The following CKAP2L variants were observed in gnomAD, a reference collection of about 807,000 sequenced individuals.
The protein encoded by CKAP2L is cytoskeleton-associated protein 2-like.
A neutral mutation model predicts 65.7 loss-of-function variants in CKAP2L; 42 were observed. The ratio of observed to expected loss-of-function variants is 0.64; its 90% CI spans 0.50 to 0.83. The LOEUF is 0.83. Among genes scored for constraint, CKAP2L ranks in the 40% least tolerant of loss-of-function variants. CKAP2L has a pLI of 0.00. For missense variants in CKAP2L, 908 were observed against 871.0 expected, an observed-to-expected ratio of 1.04 and a Z score of -0.53; for synonymous variants, 325 against 313.5, an observed-to-expected ratio of 1.04 and a Z score of -0.39.
intron 2 of CKAP2L, among the ~76,000 whole-genome samples, chr2:112,762,262 C>T (rs1404733100): frequency 6.6e-6 from 1 of 152,140 alleles, no homozygotes; most frequent in Non-Finnish European, 1.5e-5. Flanking sequence ...TAATACTGAC[C>T]CTTCTTCCCT....
At chr2:112,746,850 C>T (rs574985511) in intron 5 of CKAP2L, among the ~76,000 whole-genome samples, 10 of 151,928 alleles carry the variant, frequency 6.6e-5, no homozygotes, top group South Asian at 2.1e-4. Flanking sequence ...TGCAATGGCG[C>T]GATCTCGGTT....
chr2:112,741,988 C>T (rs1228765860), intron 7 of CKAP2L, among the ~76,000 whole-genome samples: 52 of 143,234 alleles, frequency 3.6e-4, no homozygotes, highest in Non-Finnish European at 6.5e-4. Context: ...CAGGGTTTCA[C>T]CACGTTGGTC....
intron 3 of CKAP2L, among the ~76,000 whole-genome samples, chr2:112,757,539 TCA>T (rs1395967426): frequency 6.6e-6 from 1 of 151,916 alleles, no homozygotes; most frequent in East Asian, 1.9e-4. Context: ...CAGGCGCATG[TCA>T]CTACACCTGG....
Position 112,756,289 on chromosome 2 carries a change from C to T in CKAP2L, c.1082G>A (p.Cys361Tyr), listed in dbSNP as rs752783476. The T allele has an allele frequency of 1.9e-6, 3 of 1,614,078 alleles. No homozygotes were observed. In the South Asian group the frequency reaches 3.3e-5, roughly 18 times the overall value. The change falls in exon 4 of 9, where the codon TGT becomes TAT. Residue 361 changes from cysteine (C) to tyrosine (Y), a missense_variant. By Grantham distance (194) the Cys-to-Tyr change is radical (BLOSUM62 -2). Coordinates refer to ENST00000302450, the MANE Select transcript of CKAP2L (RefSeq NM_152515.5). ...CAGTACACATGATGTCTGAGGTATA[C>T]AAACTTGGCTGGACTTCTGATCTTG... The part of the protein sequence containing the change: ...IKQDQKSSQV[C>Y]IPQTSCVLQK...
At chr2:112,743,634 C>A (rs190620543) in intron 6 of CKAP2L, among the ~76,000 whole-genome samples, 1 of 151,812 alleles carries the variant, frequency 6.6e-6, no homozygotes, top group Non-Finnish European at 1.5e-5. Flanking sequence ...GACGGGGTTT[C>A]GCTACGTTGG....
Position 112,757,081 on chromosome 2 carries a change from T to C in CKAP2L, c.290A>G (p.Lys97Arg), listed in dbSNP as rs777580578. 4 of 1,614,136 alleles carry C rather than the reference T, an allele frequency of 2.5e-6. No individual in the cohort carries two copies. The highest frequency in any genetic ancestry group is 3.4e-6 in the Non-Finnish European group (4 of 1,180,020). ...GSQKPKLEPP[K>R]LLGKRLTSEC... is the part of the protein sequence containing the mutation. Reference sequence around the variant, plus strand: ...TGAAGTCAGCCTTTTGCCCAGAAGTTTTGGTGGCTCCAACTTCGGCTTCTG... The same window carrying C: ...TGAAGTCAGCCTTTTGCCCAGAAGTCTTGGTGGCTCCAACTTCGGCTTCTG... The change falls in exon 4 of 9, where the codon AAA becomes AGA. Residue 97 changes from lysine to arginine, a missense_variant. Coordinates refer to ENST00000302450, the MANE Select transcript of CKAP2L (RefSeq NM_152515.5).
intron 5 of CKAP2L, among the ~76,000 whole-genome samples, chr2:112,749,850 G>T (rs1680312577): frequency 6.6e-6 from 1 of 152,134 alleles, no homozygotes; most frequent in African/African-American, 2.4e-5. Context: ...GCCAGCAGGG[G>T]GCACGAGAGG....
Position 112,757,395 on chromosome 2 carries a change from T to G in CKAP2L, c.157-181A>C, listed in dbSNP as rs1221899543. 2.0e-5 allele frequency among the ~76,000 whole-genome samples: 3 copies of G among 147,214 alleles called. No homozygotes were observed. In the East Asian group the frequency reaches 5.9e-4, roughly 29 times the overall value. On this transcript the variant is annotated intron_variant, in intron 3 of 8. Transcript: ENST00000302450. ...ATAGGTAGTTTTTGTGTTTTTTTTTTTTTTTTTTTTTTGAGACAGGATCTT... is the reference window on the plus strand; with the variant it reads ...ATAGGTAGTTTTTGTGTTTTTTTTTGTTTTTTTTTTTTGAGACAGGATCTT...
chr2:112,748,528 A>G (rs1680271087), intron 5 of CKAP2L, among the ~76,000 whole-genome samples: 1 of 152,238 alleles, frequency 6.6e-6, no homozygotes, highest in Non-Finnish European at 1.5e-5. Context: ...GTCACTAGTG[A>G]GTAAACTTTA....
At position 112,738,675 on chromosome 2, in the gene CKAP2L, TGA is replaced by T. The variant is rs1679570020; in HGVS notation, c.*146_*147del. 3.2e-6 allele frequency: 2 copies of T among 620,816 alleles called. No homozygotes were observed. Among genetic ancestry groups the T allele is most frequent in the Non-Finnish European group, 5.7e-6 (2 of 351,870 alleles). 38.5% of individuals were successfully genotyped at this position (620,816 alleles called of 1,614,324 possible). On this transcript the variant is annotated 3_prime_UTR_variant, in exon 9 of 9. Transcript: ENST00000302450. ...GATTTTCCCATGGGGAGAGAAAATT[TGA>T]GAGTAAGCCCAGTGAATTACTTAAG...
rs754990375 is a variant in CKAP2L, at chr2:112,756,283, G to A, written c.1088C>T (p.Pro363Leu). The A allele has an allele frequency of 6.2e-7, 1 of 1,614,094 alleles. No homozygotes were observed. The highest frequency in any genetic ancestry group is 1.7e-5 in the Admixed American group (1 of 60,020). Residue 363 changes from proline (P) to leucine (L), a missense_variant, in exon 4 of 9, where the codon CCT becomes CTT. Pro to Leu is a moderately conservative substitution (Grantham distance 98). Coordinates refer to ENST00000302450, the MANE Select transcript of CKAP2L (RefSeq NM_152515.5). ...CTTTTGCAGTACACATGATGTCTGA[G>A]GTATACAAACTTGGCTGGACTTCTG... ...QDQKSSQVCI[P>L]QTSCVLQKSK...
intron 6 of CKAP2L, among the ~76,000 whole-genome samples, chr2:112,743,287 C>T (rs544268261): frequency 3.3e-5 from 5 of 152,018 alleles, no homozygotes; most frequent in South Asian, 2.1e-4. Context: ...GGACTACAGG[C>T]GCCCACCACC....
rs1679400245 is a variant in CKAP2L, at chr2:112,737,678, T to C, written c.*1145A>G. 6.6e-6 allele frequency: 1 copy of C among 152,188 alleles called. No homozygotes were observed. Among genetic ancestry groups the C allele is most frequent in the South Asian group, 2.1e-4 (1 of 4,830 alleles). The allele number at this position is 152,188 out of a possible 1,614,324, so 9.4% of individuals were successfully genotyped here. ...TTATTATAAATCTGACTTTCAGAAA[T>C]AGATCTGCTTCCCTTAAAAAAATCT... On this transcript the variant is annotated 3_prime_UTR_variant, in exon 9 of 9. Coordinates refer to ENST00000302450, the MANE Select transcript of CKAP2L (RefSeq NM_152515.5).
At chr2:112,743,205 C>T (rs980391324) in intron 6 of CKAP2L, among the ~76,000 whole-genome samples, 18 of 152,236 alleles carry the variant, frequency 1.2e-4, no homozygotes, top group African/African-American at 4.1e-4. Flanking sequence ...TGCAGTGGCG[C>T]GATCTCGGCT....
chr2:112,762,152 ACC>A (rs2104893205), intron 2 of CKAP2L, among the ~76,000 whole-genome samples: 2 of 152,366 alleles, frequency 1.3e-5, no homozygotes, highest in East Asian at 3.9e-4. Context: ...AAATGCCAGA[ACC>A]ATGGTCATTC....
At chr2:112,739,432 C>CG (rs1247921425) in intron 8 of CKAP2L, among the ~76,000 whole-genome samples, 1 of 152,138 alleles carries the variant, frequency 6.6e-6, no homozygotes, top group Admixed American at 6.6e-5. Context: ...AAAAAAAAGG[C>CG]TTTTCCCTGA....
chr2:112,760,682 C>T, intron 3 of CKAP2L, 31 bp downstream of exon 3: 1 of 1,088,798 alleles, frequency 9.2e-7, no homozygotes, highest in Non-Finnish European at 1.4e-6. Context: ...CTTATGAATG[C>T]ATATTTTTAA....
At chr2:112,764,441 G>T in intron 1 of CKAP2L, 121 bp downstream of exon 1, 1 of 1,128,548 alleles carries the variant, frequency 8.9e-7, no homozygotes, top group Non-Finnish European at 1.3e-6. Context: ...AAAACGCCCA[G>T]GGGAAACTTA....
intron 5 of CKAP2L, among the ~76,000 whole-genome samples, chr2:112,747,306 A>G (rs1406734847): frequency 6.6e-6 from 1 of 152,180 alleles, no homozygotes; most frequent in Non-Finnish European, 1.5e-5. Flanking sequence ...GAAAATGTTT[A>G]TCATAGCTGA....
Sources: allele counts gnomAD v4.1 joint callset (sites outside exome capture counted in the v4.1 genomes callset), GRCh38; gene constraint gnomAD v4.1.1; transcripts MANE v1.5; gene names NCBI Gene and HGNC (gene_info 2026-07-23, HGNC 2026-07-21).